COL27A1: variants seen among roughly 807,000 people sequenced by gnomAD.
COL27A1 encodes collagen type XXVII alpha 1 chain.
A neutral mutation model predicts 251.3 loss-of-function variants in COL27A1; 106 were observed. The ratio of observed to expected loss-of-function variants is 0.42; its 90% CI spans 0.36 to 0.50. The LOEUF (loss-of-function observed/expected upper bound fraction) is 0.50. Ranked by LOEUF, COL27A1 falls within the 20% of genes least tolerant of loss-of-function variation. The probability of loss-of-function intolerance (pLI) is 0.00; values close to 1 mark genes in which losing one functional copy is unlikely to be tolerated. For synonymous variants in COL27A1, 1,000 were observed against 986.3 expected (o/e 1.01, Z -0.26); for missense variants, 2,325 against 2,522.8 (o/e 0.92, Z 1.68).
chr9:114,289,101 C>A (rs1342629500), intron 44 of COL27A1, 134 bp downstream of exon 44: 9 of 1,383,610 alleles, frequency 6.5e-6, no homozygotes, highest in African/African-American at 1.4e-5. Context: ...ATTTCTGTTT[C>A]TCCTGCCCTG....
Position 114,169,061 on chromosome 9 carries a change from G to C in COL27A1, c.1506G>C (p.Arg502=). The stretch of plus-strand genomic sequence containing the variant: ...CTCCTGGTTCTACCAGGAGTACTCG[G>C]CCACCAGCCACGATGGTACCTCCAA... The part of the protein sequence containing the change: ...APTPGSTRST[R]PPATMVPPTS... Residue 502 remains arginine (R), a synonymous_variant, in exon 3 of 61, where the codon CGG becomes CGC. Transcript: ENST00000356083. 2 of 1,613,800 alleles carry C rather than the reference G, an allele frequency of 1.2e-6. No homozygotes were observed. Among genetic ancestry groups the C allele is most frequent in the Non-Finnish European group, 1.7e-6 (2 of 1,179,850 alleles).
At chr9:114,196,118 C>CAGGGG in intron 7 of COL27A1, 106 bp downstream of exon 7, 5 of 982,120 alleles carry the variant, frequency 5.1e-6, no homozygotes, top group Non-Finnish European at 8.2e-6. Flanking sequence ...AGCCCCAGCC[C>CAGGGG]AGCTCCCCTG....
intron 12 of COL27A1, among the ~76,000 whole-genome samples, chr9:114,213,095 G>T (rs1253239414): frequency 6.6e-6 from 1 of 152,208 alleles, no homozygotes; most frequent in Non-Finnish European, 1.5e-5. Context: ...GCTGCTCAGT[G>T]TCACAGTTGG....
chr9:114,182,376 TA>T (rs936413880), intron 4 of COL27A1, among the ~76,000 whole-genome samples: 162 of 143,860 alleles, frequency 1.1e-3, no homozygotes, highest in South Asian at 3.4e-3. Context: ...ACCCTGCCTC[TA>T]AAAAAAAAAG....
At chr9:114,219,163 T>C (rs937404827) in intron 12 of COL27A1, among the ~76,000 whole-genome samples, 15 of 151,846 alleles carry the variant, frequency 9.9e-5, no homozygotes, top group Admixed American at 6.6e-5. Flanking sequence ...GCCTCCAGAG[T>C]GGGGTCAGGG....
Position 114,250,764 on chromosome 9 carries a change from A to G in COL27A1, c.3033+96A>G, listed in dbSNP as rs115349067. ...CCCTTTGACCTGGGGATTTCAGAAT[A>G]CCCTCCCCTAGCCTCTCTCCTGACC... On this transcript the variant is annotated intron_variant, in intron 25 of 60. Coordinates refer to ENST00000356083, the MANE Select transcript of COL27A1 (RefSeq NM_032888.4). 2,684 of 1,050,480 alleles carry G rather than the reference A, an allele frequency of 2.6e-3. 38 individuals carry two copies. The African/African-American group carries it at 0.036, about 14-fold the overall frequency. The allele number at this position is 1,050,480 out of a possible 1,614,324, so 65.1% of individuals were successfully genotyped here.
chr9:114,305,333 C>T (rs1437268559), intron 57 of COL27A1, among the ~76,000 whole-genome samples: 1 of 152,136 alleles, frequency 6.6e-6, no homozygotes, highest in Non-Finnish European at 1.5e-5. Context: ...TGGATGAGCC[C>T]CTTACCATCT....
intron 55 of COL27A1, 74 bp downstream of exon 55, chr9:114,301,791 C>A: frequency 7.0e-7 from 1 of 1,425,982 alleles, no homozygotes; most frequent in Admixed American, 1.9e-5. Flanking sequence ...GCTTCACCGG[C>A]AGACTAAGCC....
chr9:114,165,570 T>G (rs1010381113), intron 2 of COL27A1, among the ~76,000 whole-genome samples: 2 of 135,418 alleles, frequency 1.5e-5, no homozygotes, highest in African/African-American at 5.7e-5. Flanking sequence ...TCTATTCATC[T>G]ATTCATCCAT....
rs1380511299 is a variant in COL27A1 at position 114,155,984 on chromosome 9, A to ACAGCGG, written c.36_41dup (p.Ala17_Ala18dup). 1 of 1,293,550 alleles carries ACAGCGG rather than the reference A, an allele frequency of 7.7e-7. No homozygotes were observed. Among genetic ancestry groups the ACAGCGG allele is most frequent in the Non-Finnish European group, 9.8e-7 (1 of 1,018,022 alleles). 80.1% of individuals were successfully genotyped at this position (1,293,550 alleles called of 1,614,324 possible). ...GGGATCGGCGCGGGGGGCCCGAGGC[A>ACAGCGG]CAGCGGCGGCGGCGGCGGCGCGCGG... On this transcript the variant is annotated inframe_insertion, in exon 1 of 61. Coordinates refer to ENST00000356083, the MANE Select transcript of COL27A1 (RefSeq NM_032888.4). The surrounding 1 kb of genome is among the most constrained non-coding windows in gnomAD (Gnocchi z 5.5).
rs139803212 is a variant in COL27A1 at position 114,173,363 on chromosome 9, A to G, written c.1908+3900A>G. On this transcript the variant is annotated intron_variant, in intron 3 of 60. Coordinates refer to ENST00000356083, the MANE Select transcript of COL27A1 (RefSeq NM_032888.4). ...TGACTATCTATCTATGAAATGAACA[A>G]AAGAATTTGATCCTTACGAAATGCA... Among the ~76,000 whole-genome samples, 134 of 152,356 alleles carry G rather than the reference A, an allele frequency of 8.8e-4. 1 individual carries two copies. Among genetic ancestry groups the G allele is most frequent in the African/African-American group, 3.1e-3 (130 of 41,588 alleles).
chr9:114,185,259 C>T (rs1266223136), intron 5 of COL27A1, among the ~76,000 whole-genome samples: 2 of 152,236 alleles, frequency 1.3e-5, no homozygotes, highest in African/African-American at 4.8e-5. Context: ...CTCCCATTTG[C>T]ATCTGTGTAT....
intron 5 of COL27A1, among the ~76,000 whole-genome samples, chr9:114,193,573 A>G (rs1309650228): frequency 3.0e-4 from 45 of 152,042 alleles, no homozygotes; most frequent in Non-Finnish European, 1.5e-5. Context: ...TTGAGGCCCT[A>G]GACAGTCCCT....
chr9:114,246,397 G>A (rs1049065518), intron 24 of COL27A1, among the ~76,000 whole-genome samples: 1 of 152,218 alleles, frequency 6.6e-6, no homozygotes, highest in Non-Finnish European at 1.5e-5. Context: ...GTCTGAAGAA[G>A]AGAAGAGGTT....
At chr9:114,285,523 G>T (rs558275722) in intron 41 of COL27A1, among the ~76,000 whole-genome samples, 1 of 152,066 alleles carries the variant, frequency 6.6e-6, no homozygotes, top group Non-Finnish European at 1.5e-5. Context: ...CAGCTGGAAC[G>T]CTTCGCTTGC....
At chr9:114,200,728 A>G (rs1829506311) in intron 7 of COL27A1, among the ~76,000 whole-genome samples, 1 of 152,214 alleles carries the variant, frequency 6.6e-6, no homozygotes, top group Admixed American at 6.5e-5. Context: ...CTTGTCCAGC[A>G]TCACATAATA....
At chr9:114,240,039 C>T (rs1211361825) in intron 19 of COL27A1, among the ~76,000 whole-genome samples, 181 bp from the exon 20 acceptor site, 1 of 152,200 alleles carries the variant, frequency 6.6e-6, no homozygotes, top group Non-Finnish European at 1.5e-5. Context: ...GGTGTCAGGG[C>T]TGGAACCATG....
intron 33 of COL27A1, 107 bp from the exon 34 acceptor site, chr9:114,267,395 CTG>C: frequency 1.2e-6 from 1 of 869,414 alleles, no homozygotes; most frequent in East Asian, 2.8e-5. Context: ...ATCTCTTGCA[CTG>C]TGTGACCCTG....
chr9:114,290,197 CT>C lies in COL27A1; in HGVS notation c.4261-26del, dbSNP rs752672232. On this transcript the variant is annotated intron_variant, in intron 46 of 60. Coordinates refer to ENST00000356083, the MANE Select transcript of COL27A1 (RefSeq NM_032888.4). The surrounding 1 kb of genome is among the most constrained non-coding windows in gnomAD (Gnocchi z 4.6). Reference sequence around the variant, plus strand: ...CCTCCCACTCCCTGCACCAAATGCCCTCACCAGCTTTTTATGTACCCCCCAG... The same window carrying C: ...CCTCCCACTCCCTGCACCAAATGCCCCACCAGCTTTTTATGTACCCCCCAG... 23 of 1,580,646 alleles carry C rather than the reference CT, an allele frequency of 1.5e-5. No homozygotes were observed. The highest frequency in any genetic ancestry group is 1.9e-5 in the Non-Finnish European group (22 of 1,162,516).
Sources: gnomAD v4.1 joint callset for allele counts (sites outside exome capture counted in the v4.1 genomes callset) on GRCh38, gnomAD v4.1.1 for gene constraint, Gnocchi (gnomAD v3.1) non-coding constraint, MANE v1.5 for transcripts, NCBI Gene and HGNC (gene_info 2026-07-23, HGNC 2026-07-21) for gene names.